BRD3: variants seen among roughly 807,000 people sequenced by gnomAD.
BRD3 encodes the protein bromodomain-containing protein 3.
BRD3 carries 17 observed loss-of-function variants against 66.8 expected under a neutral mutation model. That is an observed-to-expected ratio of 0.25 (90% CI 0.17 to 0.38). BRD3 has a LOEUF of 0.38. BRD3 is among the 10% of genes least tolerant of loss of function. The pLI is 1.00. For synonymous variants in BRD3, 421 were observed against 393.2 expected, an observed-to-expected ratio of 1.07 and a Z score of -0.84; for missense variants, 713 against 956.1, an observed-to-expected ratio of 0.75 and a Z score of 3.35.
At chr9:134,039,833 C>T (rs1397710498) in intron 9 of BRD3, among the ~76,000 whole-genome samples, 1 of 151,690 alleles carries the variant, frequency 6.6e-6, no homozygotes, top group Non-Finnish European at 1.5e-5. Flanking sequence ...CAGGCCAGCC[C>T]CGCAGACAAC....
At chr9:134,036,679 A>C (rs1222164906) in intron 9 of BRD3, 9 of 1,059,662 alleles carry the variant, frequency 8.5e-6, no homozygotes, top group African/African-American at 1.6e-5. Context: ...AAAATGAGAG[A>C]CCGAAATCCA....
intron 7 of BRD3, among the ~76,000 whole-genome samples, chr9:134,042,339 A>G (rs1830068071): frequency 6.6e-6 from 1 of 152,200 alleles, no homozygotes; most frequent in Non-Finnish European, 1.5e-5. Context: ...CTCCACAGCC[A>G]CAGGAGTCCA....
chr9:134,040,572 T>C lies in BRD3; in HGVS notation c.1408-303A>G, dbSNP rs541735223. ...AGGGCAGCTAACTTTTTAAAAAAAATGTATTATACTTTAAGTTCGGGGATA... is the reference window on the plus strand; with the variant it reads ...AGGGCAGCTAACTTTTTAAAAAAAACGTATTATACTTTAAGTTCGGGGATA... On this transcript the variant is annotated intron_variant, in intron 8 of 11. Transcript: ENST00000303407. Among the ~76,000 whole-genome samples the C allele has an allele frequency of 5.1e-4, 77 of 152,302 alleles. 1 individual carries two copies. In the South Asian group the frequency reaches 0.015, roughly 29 times the overall value.
In BRD3 at chr9:134,032,836, TCTC is replaced by T. The variant is rs1340330090; in HGVS notation, c.*751_*753del. ...AAATTGCCGAACCTTACAAAAAAAG[TCTC>T]CTTTTTTTTTTTTTTTAAATCTTTT... On this transcript the variant is annotated 3_prime_UTR_variant, in exon 12 of 12. Transcript: ENST00000303407. 5 of 264,930 alleles carry T rather than the reference TCTC, an allele frequency of 1.9e-5. No homozygotes were observed. Among genetic ancestry groups the T allele is most frequent in the East Asian group, 5.5e-5 (1 of 18,068 alleles). 16.4% of individuals were successfully genotyped at this position (264,930 alleles called of 1,614,324 possible).
chr9:134,036,370 TG>T, intron 9 of BRD3, 46 bp from the exon 10 acceptor site: 11 of 1,568,968 alleles, frequency 7.0e-6, no homozygotes, highest in Non-Finnish European at 9.5e-6. Context: ...TCCGTCTACC[TG>T]CCGTGGGAGC....
At chr9:134,064,648 G>A (rs1440715839) in intron 1 of BRD3, among the ~76,000 whole-genome samples, 1 of 152,132 alleles carries the variant, frequency 6.6e-6, no homozygotes, top group Admixed American at 6.5e-5. Flanking sequence ...GTCACTCACG[G>A]CCAAGAGTTT....
At chr9:134,042,481 A>G (rs954870180) in intron 7 of BRD3, among the ~76,000 whole-genome samples, 1 of 152,146 alleles carries the variant, frequency 6.6e-6, no homozygotes, top group African/African-American at 2.4e-5. Context: ...ACAAAAAAAT[A>G]TAAAAATTAG....
intron 6 of BRD3, 72 bp downstream of exon 6, chr9:134,048,011 G>C: frequency 6.9e-7 from 1 of 1,456,192 alleles, no homozygotes; most frequent in African/African-American, 1.4e-5. Flanking sequence ...CACTCAGCCG[G>C]CACAAGACAT....
chr9:134,032,114 A>C lies in BRD3; in HGVS notation c.*1476T>G. 1 of 217,898 alleles carries C rather than the reference A, an allele frequency of 4.6e-6. No individual in the cohort carries two copies. Among genetic ancestry groups the C allele is most frequent in the Non-Finnish European group, 9.2e-6 (1 of 108,248 alleles). The allele number at this position is 217,898 out of a possible 1,614,324, so 13.5% of individuals were successfully genotyped here. A position where few individuals can be genotyped will look rare whatever the true frequency, so the allele number is the denominator to read the frequency against. ...ATTCCTGGCCGGAGCCGCCATGCTC[A>C]TTGGTGGGCCAGTTTGGGACATCCC... On this transcript the variant is annotated 3_prime_UTR_variant, in exon 12 of 12. Coordinates refer to ENST00000303407, the MANE Select transcript of BRD3 (RefSeq NM_007371.4).
chr9:134,051,875 G>GTA (rs377287416), intron 3 of BRD3, among the ~76,000 whole-genome samples, 166 bp from the exon 4 acceptor site: 12,807 of 100,766 alleles, frequency 0.13, 918 homozygotes, highest in African/African-American at 0.23. Context: ...GTGTGTGTGT[G>GTA]TGTTGTTTTT....
At chr9:134,048,528 C>T in intron 5 of BRD3, 74 bp from the exon 6 acceptor site, 6 of 1,581,196 alleles carry the variant, frequency 3.8e-6, no homozygotes. Flanking sequence ...AGCCGCGTTT[C>T]TGGGGCACTG....
In BRD3 at chr9:134,033,623, G is replaced by T; in HGVS notation, c.2148C>A (p.Ser716Arg). The T allele has an allele frequency of 1.3e-6, 1 of 770,328 alleles. No homozygotes were observed. 47.7% of individuals were successfully genotyped at this position (770,328 alleles called of 1,614,324 possible). The change falls in exon 12 of 12, where the codon AGC becomes AGA. Residue 716 changes from serine to arginine, a missense_variant. Ser to Arg is a moderately radical substitution (Grantham distance 110). Coordinates refer to ENST00000303407, the MANE Select transcript of BRD3 (RefSeq NM_007371.4). The surrounding 1 kb of genome is among the most constrained non-coding windows in gnomAD (Gnocchi z 5.1). ...SSSESGSSSSSGSSSDSSDSE is the reference protein window; with the variant it reads ...SSSESGSSSSRGSSSDSSDSE The stretch of plus-strand genomic sequence containing the variant: ...AGTCACTGCTGTCAGAGCTGGACCC[G>T]CTGGAGCTGCTGCTCCCAGACTCGG...
At chr9:134,044,479 G>A (rs1413565414) in intron 7 of BRD3, among the ~76,000 whole-genome samples, 1 of 152,170 alleles carries the variant, frequency 6.6e-6, no homozygotes, top group Non-Finnish European at 1.5e-5. Context: ...AAGCATGCTG[G>A]AAGAGAACAC....
intron 4 of BRD3, 118 bp downstream of exon 4, chr9:134,051,444 C>A (rs868574031): frequency 2.4e-5 from 27 of 1,129,656 alleles, no homozygotes; most frequent in Middle Eastern, 6.1e-4. Context: ...CCGGCACCCA[C>A]GAGCTCGTCA....
Position 134,036,133 on chromosome 9 carries a change from T to G in BRD3, c.1835A>C (p.Asp612Ala). 6.2e-7 allele frequency: 1 copy of G among 1,614,236 alleles called. No homozygotes were observed. The highest frequency in any genetic ancestry group is 1.1e-5 in the South Asian group (1 of 91,090). Reference protein sequence around the residue: ...REPSLRDSNPDEIEIDFETLK... With the variant: ...REPSLRDSNPAEIEIDFETLK... ...AGTCTCAAAGTCAATTTCTATCTCG[T>G]CGGGGTTGGAGTCCCTGAGCGAGGG... Residue 612 changes from aspartate (D) to alanine (A), a missense_variant, in exon 10 of 12, where the codon GAC (aspartate) becomes GCC (alanine). Coordinates refer to ENST00000303407, the MANE Select transcript of BRD3 (RefSeq NM_007371.4).
At chr9:134,068,258 G>GC (rs1000968621), upstream of BRD3, 4 of 145,906 alleles carry the variant, frequency 2.7e-5, no homozygotes, top group African/African-American at 9.9e-5. Flanking sequence ...CTCGGCGCCC[G>GC]CCCGGCAGGG....
At chr9:134,042,816 CACAT>C (rs1355518130) in intron 7 of BRD3, among the ~76,000 whole-genome samples, 4 of 141,568 alleles carry the variant, frequency 2.8e-5, no homozygotes, top group Non-Finnish European at 4.6e-5. Flanking sequence ...CACACACACA[CACAT>C]TTTTAAGTTT....
intron 3 of BRD3, 21 bp downstream of exon 3, chr9:134,052,285 G>T (rs1830322424): frequency 6.2e-7 from 1 of 1,610,512 alleles, no homozygotes; most frequent in South Asian, 1.1e-5. Context: ...CAAGCGGCGT[G>T]CCAGGCCCGC....
At chr9:134,049,850 A>G (rs1049710771) in intron 5 of BRD3, among the ~76,000 whole-genome samples, 5 of 152,126 alleles carry the variant, frequency 3.3e-5, no homozygotes, top group Non-Finnish European at 5.9e-5. Context: ...GCCAGCCCCA[A>G]ATCTTGCAGG....
Sources: allele counts gnomAD v4.1 joint callset (sites outside exome capture counted in the v4.1 genomes callset), GRCh38; gene constraint gnomAD v4.1.1; non-coding constraint Gnocchi (gnomAD v3.1); transcripts MANE v1.5; gene names NCBI Gene and HGNC (gene_info 2026-07-23, HGNC 2026-07-21).